The following CAPN8 variants were observed in gnomAD, a reference collection of about 807,000 sequenced individuals.
CAPN8 encodes calpain-8.
Under a neutral mutation model 80.9 loss-of-function variants are expected in CAPN8, and 87 were observed. That is an observed-to-expected ratio of 1.07 (90% CI 0.90 to 1.28). The LOEUF is 1.28. CAPN8 is among the 50% of genes most tolerant of loss of function. CAPN8 has a pLI of 0.00. For missense variants in CAPN8, 757 were observed against 702.0 expected (o/e 1.08, Z -0.89); for synonymous variants, 299 against 273.8 (o/e 1.09, Z -0.91).
At chr1:223,549,176 A>T in intron 16 of CAPN8, 142 bp downstream of exon 16, 1 of 1,090,666 alleles carries the variant, frequency 9.2e-7, no homozygotes, top group East Asian at 2.6e-5. Flanking sequence ...CTTCAAGTAC[A>T]ATCCTTGACA....
At chr1:223,658,468 T>C (rs1314394059) in intron 1 of CAPN8, among the ~76,000 whole-genome samples, 1 of 152,172 alleles carries the variant, frequency 6.6e-6, no homozygotes, top group Non-Finnish European at 1.5e-5. Context: ...AGGAATGTCA[T>C]GACTGATATG....
chr1:223,556,865 A>G lies in CAPN8; in HGVS notation c.1572+1266T>C, dbSNP rs1029508551. On this transcript the variant is annotated intron_variant, in intron 13 of 20. Transcript: ENST00000366872. ...TCTAATATGCCTGGGACCCACAGTA[A>G]GAGATGCCACCGTGAGCGATAAGTC... 9.2e-3 allele frequency among the ~76,000 whole-genome samples: 1,407 copies of G among 152,316 alleles called. 95 individuals carry two copies. In the East Asian group the frequency reaches 0.15, roughly 16 times the overall value.
At chr1:223,544,561 G>C (rs1376472633) in intron 18 of CAPN8, among the ~76,000 whole-genome samples, 1 of 152,108 alleles carries the variant, frequency 6.6e-6, no homozygotes, top group Non-Finnish European at 1.5e-5. Context: ...CAGAGATCTT[G>C]GAAAAATTCT....
intron 2 of CAPN8, among the ~76,000 whole-genome samples, chr1:223,634,352 C>G (rs1332339294): frequency 6.6e-6 from 1 of 152,098 alleles, no homozygotes; most frequent in Non-Finnish European, 1.5e-5. Context: ...CCACAACATG[C>G]CAGTCACATC....
chr1:223,656,714 C>T lies in CAPN8; in HGVS notation c.238-2315G>A, dbSNP rs548608409. Among the ~76,000 whole-genome samples, 368 of 128,704 alleles carry T rather than the reference C, an allele frequency of 2.9e-3. 4 individuals carry two copies. The highest frequency in any genetic ancestry group is 0.011 in the African/African-American group (351 of 32,466). The allele number at this position is 128,704 out of a possible 152,430, so 84.4% of individuals were successfully genotyped here. On this transcript the variant is annotated intron_variant, in intron 1 of 20. Coordinates refer to ENST00000366872, the MANE Select transcript of CAPN8 (RefSeq NM_001143962.2). ...TTTTTTTTTTTTTGAGACGGGGTCTCGCTCTTTGGCCCAAGCCAGAATGCA... is the reference window on the plus strand; with the variant it reads ...TTTTTTTTTTTTTGAGACGGGGTCTTGCTCTTTGGCCCAAGCCAGAATGCA...
intron 11 of CAPN8, 55 bp downstream of exon 11, chr1:223,612,191 A>G: frequency 7.3e-6 from 9 of 1,227,416 alleles, no homozygotes; most frequent in Non-Finnish European, 7.1e-6. Context: ...CCCATCCTGA[A>G]GGCAGCCAAG....
intron 2 of CAPN8, among the ~76,000 whole-genome samples, chr1:223,649,154 G>T (rs1004600888): frequency 1.4e-4 from 21 of 152,196 alleles, no homozygotes; most frequent in Admixed American, 7.2e-4. Flanking sequence ...AGAGACCAAG[G>T]TCTACTTTTA....
At chr1:223,543,277 C>A in intron 19 of CAPN8, 111 bp from the exon 20 acceptor site, 1 of 1,246,644 alleles carries the variant, frequency 8.0e-7, no homozygotes, top group South Asian at 1.5e-5. Context: ...TCTCCTTTCC[C>A]CTACCACCCC....
chr1:223,657,296 T>C (rs1397225882), intron 1 of CAPN8, among the ~76,000 whole-genome samples: 2 of 152,108 alleles, frequency 1.3e-5, no homozygotes, highest in African/African-American at 4.8e-5. Context: ...AGTCATTTTT[T>C]GGCAAATAAA....
chr1:223,648,173 G>A lies in CAPN8; in HGVS notation c.307+6157C>T, dbSNP rs1246915885. On this transcript the variant is annotated intron_variant, in intron 2 of 20. Transcript: ENST00000366872. ...GTGGTGTTAGTGGAACAAAACCAGA[G>A]GGCGATGAGCACCAGGACCCAAGAT... 5.9e-5 allele frequency among the ~76,000 whole-genome samples: 9 copies of A among 152,184 alleles called. No individual in the cohort carries two copies. In the East Asian group the frequency reaches 1.7e-3, roughly 29 times the overall value.
chr1:223,556,259 G>T (rs1262102069), intron 13 of CAPN8, among the ~76,000 whole-genome samples: 2 of 152,280 alleles, frequency 1.3e-5, no homozygotes, highest in Middle Eastern at 6.8e-3. Flanking sequence ...CCTGTCTTCT[G>T]TAAAGTACTG....
chr1:223,647,057 A>G (rs752635128), intron 2 of CAPN8, among the ~76,000 whole-genome samples: 2 of 152,140 alleles, frequency 1.3e-5, no homozygotes, highest in Non-Finnish European at 2.9e-5. Context: ...CTGGGGACTC[A>G]GGCTCACTGG....
intron 2 of CAPN8, 31 bp downstream of exon 2, chr1:223,654,299 A>T: frequency 6.5e-7 from 1 of 1,548,404 alleles, no homozygotes; most frequent in Non-Finnish European, 8.7e-7. Flanking sequence ...GCCCTCTCCC[A>T]AAACAAATAA....
chr1:223,543,296 C>T (rs1316477484), intron 19 of CAPN8, 130 bp from the exon 20 acceptor site: 20 of 1,079,384 alleles, frequency 1.9e-5, no homozygotes, highest in Non-Finnish European at 2.4e-5. Flanking sequence ...CCCTCCCCTC[C>T]AGCCCCCACC....
intron 17 of CAPN8, 119 bp from the exon 18 acceptor site, chr1:223,544,969 T>C (rs1558334590): frequency 1.3e-6 from 2 of 1,503,918 alleles, no homozygotes; most frequent in East Asian, 2.5e-5. Flanking sequence ...GGAGACCCTA[T>C]TGACTCCTCC....
At chr1:223,549,647 G>T in intron 15 of CAPN8, 1 of 594,576 alleles carries the variant, frequency 1.7e-6, no homozygotes, top group Non-Finnish European at 3.1e-6. Flanking sequence ...ACAGACTTCA[G>T]CAAATTAATA....
chr1:223,634,250 G>A (rs1657853209), intron 2 of CAPN8, among the ~76,000 whole-genome samples: 1 of 152,172 alleles, frequency 6.6e-6, no homozygotes, highest in South Asian at 2.1e-4. Flanking sequence ...CGGAGGCTGT[G>A]ATGTGTCATG....
At chr1:223,629,326 G>C (rs926444481) in intron 2 of CAPN8, among the ~76,000 whole-genome samples, 1 of 151,560 alleles carries the variant, frequency 6.6e-6, no homozygotes, top group African/African-American at 2.4e-5. Flanking sequence ...GAGTTCACCA[G>C]GAGAGCCTTG....
intron 1 of CAPN8, among the ~76,000 whole-genome samples, chr1:223,663,385 C>T (rs558643180): frequency 1.3e-5 from 2 of 152,300 alleles, no homozygotes; most frequent in South Asian, 4.2e-4. Context: ...AATGGTACCC[C>T]TCCCTAAGGC....
Sources: gnomAD v4.1 joint callset for allele counts (sites outside exome capture counted in the v4.1 genomes callset) on GRCh38, gnomAD v4.1.1 for gene constraint, MANE v1.5 for transcripts, NCBI Gene and HGNC (gene_info 2026-07-23, HGNC 2026-07-21) for gene names.